The following EPRS1 variants were observed in gnomAD, a reference collection of about 807,000 sequenced individuals.
EPRS1 encodes glutamyl-prolyl-tRNA synthetase 1, also known as bifunctional glutamate/proline--tRNA ligase.
EPRS1 carries 107 observed loss-of-function variants against 188.3 expected under a neutral mutation model. The ratio of observed to expected loss-of-function variants is 0.57; its 90% CI spans 0.49 to 0.67. EPRS1 has a LOEUF of 0.67. EPRS1 is among the 30% of genes least tolerant of loss of function. The probability of loss-of-function intolerance (pLI) is 0.00; values close to 1 mark genes in which losing one functional copy is unlikely to be tolerated. For synonymous variants in EPRS1, 596 were observed against 593.1 expected, an observed-to-expected ratio of 1.00 and a Z score of -0.07; for missense variants, 1,577 against 1,802.2, an observed-to-expected ratio of 0.88 and a Z score of 2.26.
intron 18 of EPRS1, among the ~76,000 whole-genome samples, chr1:219,989,533 T>G (rs1377942917): frequency 6.8e-6 from 1 of 146,988 alleles, no homozygotes; most frequent in African/African-American, 2.7e-5. Flanking sequence ...TCAATCAAAA[T>G]AGATAGGAAA....
At chr1:219,977,075 G>A (rs545246802) in intron 28 of EPRS1, among the ~76,000 whole-genome samples, 22 of 152,202 alleles carry the variant, frequency 1.4e-4, no homozygotes, top group Middle Eastern at 6.8e-3. Flanking sequence ...TTCAAAATGC[G>A]CGTACACATC....
chr1:220,001,540 T>C (rs1288643420), intron 16 of EPRS1, among the ~76,000 whole-genome samples: 1 of 152,102 alleles, frequency 6.6e-6, no homozygotes, highest in Non-Finnish European at 1.5e-5. Flanking sequence ...TTTGTATTTT[T>C]AGTAGAGCCT....
chr1:219,978,938 A>ACGTG (rs1338284053), intron 27 of EPRS1, among the ~76,000 whole-genome samples: 2 of 147,362 alleles, frequency 1.4e-5, no homozygotes, highest in African/African-American at 5.0e-5. Flanking sequence ...TATTTTTCAT[A>ACGTG]TGTGTGTGTA....
At chr1:220,025,102 G>A (rs1478453448) in intron 7 of EPRS1, 30 bp downstream of exon 7, 14 of 1,602,134 alleles carry the variant, frequency 8.7e-6, no homozygotes, top group Non-Finnish European at 1.2e-5. Context: ...CACTTTTCTG[G>A]CAAAGGGTCA....
At chr1:219,998,148 T>C (rs527765591) in intron 17 of EPRS1, among the ~76,000 whole-genome samples, 1 of 152,320 alleles carries the variant, frequency 6.6e-6, no homozygotes, top group South Asian at 2.1e-4. Flanking sequence ...TTTTAAATGA[T>C]CTGCCACTTA....
intron 10 of EPRS1, 113 bp downstream of exon 10, chr1:220,019,875 G>A (rs556422454): frequency 5.0e-5 from 35 of 699,986 alleles, no homozygotes; most frequent in Non-Finnish European, 8.0e-5. Flanking sequence ...GAATTCTATA[G>A]GCCTACCCAT....
chr1:220,041,338 A>C (rs1233746763), intron 1 of EPRS1, among the ~76,000 whole-genome samples: 1 of 152,158 alleles, frequency 6.6e-6, no homozygotes, highest in Non-Finnish European at 1.5e-5. Context: ...TCAAAAAAAA[A>C]AAAATGAGAG....
chr1:219,987,505 C>T (rs376105390), intron 19 of EPRS1, 101 bp from the exon 20 acceptor site: 11 of 994,172 alleles, frequency 1.1e-5, no homozygotes, highest in Admixed American at 5.5e-5. Flanking sequence ...TTCTTTTTTC[C>T]GCCAATATCA....
At chr1:220,041,789 A>C (rs551946823) in intron 1 of EPRS1, among the ~76,000 whole-genome samples, 39 of 151,762 alleles carry the variant, frequency 2.6e-4, no homozygotes, top group Middle Eastern at 3.4e-3. Flanking sequence ...GTGGCAAGCC[A>C]AGATTGCACT....
intron 15 of EPRS1, among the ~76,000 whole-genome samples, chr1:220,005,817 G>A (rs933311127): frequency 1.7e-5 from 2 of 119,656 alleles, no homozygotes; most frequent in South Asian, 2.6e-4. Flanking sequence ...TACTTACATC[G>A]TTTTTTTTTT....
chr1:220,008,956 A>G (rs1036398219), intron 13 of EPRS1, among the ~76,000 whole-genome samples: 19 of 152,228 alleles, frequency 1.2e-4, no homozygotes, highest in Admixed American at 6.5e-5. Context: ...GATTACAGGC[A>G]TAAGCCACCA....
At chr1:219,979,769 C>A (rs1660857533) in intron 26 of EPRS1, among the ~76,000 whole-genome samples, 154 bp from the exon 27 acceptor site, 1 of 151,822 alleles carries the variant, frequency 6.6e-6, no homozygotes, top group African/African-American at 2.4e-5. Flanking sequence ...GCATAATTAC[C>A]ATAATAAGAG....
intron 1 of EPRS1, among the ~76,000 whole-genome samples, chr1:220,040,480 C>T (rs916192420): frequency 2.2e-4 from 34 of 152,210 alleles, no homozygotes; most frequent in Non-Finnish European, 1.5e-5. Context: ...GCATATCCAA[C>T]TGGTTTTGAA....
chr1:219,990,907 A>G (rs1158087632), intron 18 of EPRS1, among the ~76,000 whole-genome samples: 1 of 152,188 alleles, frequency 6.6e-6, no homozygotes, highest in Non-Finnish European at 1.5e-5. Flanking sequence ...TTAAGTTGTT[A>G]GTGGACAAAG....
chr1:219,982,722 G>A (rs758419762), intron 23 of EPRS1, 50 bp downstream of exon 23: 1 of 1,441,116 alleles, frequency 6.9e-7, no homozygotes. Flanking sequence ...TTTAGAGGCT[G>A]TCTCTAACGT....
chr1:219,977,280 A>C (rs1425449232), intron 28 of EPRS1, among the ~76,000 whole-genome samples: 1 of 152,022 alleles, frequency 6.6e-6, no homozygotes, highest in African/African-American at 2.4e-5. Flanking sequence ...TAGGTGCTTT[A>C]TTTTCTTTCC....
rs558271781 is a variant in EPRS1, at chr1:220,014,733, T to C, written c.1495-3677A>G. Reference sequence around the variant, plus strand: ...CCAACAAACTAGCCCAGCCAGATCATTGTACAGTGAAGCTCAGTTGAAAGC... The same window carrying C: ...CCAACAAACTAGCCCAGCCAGATCACTGTACAGTGAAGCTCAGTTGAAAGC... On this transcript the variant is annotated intron_variant, in intron 12 of 31. Coordinates refer to ENST00000366923, the MANE Select transcript of EPRS1 (RefSeq NM_004446.3). Among the ~76,000 whole-genome samples the C allele has an allele frequency of 2.6e-5, 4 of 152,272 alleles. No homozygotes were observed. In the South Asian group the frequency reaches 6.2e-4, roughly 24 times the overall value.
intron 27 of EPRS1, 99 bp from the exon 28 acceptor site, chr1:219,978,818 C>T (rs1406523253): frequency 1.6e-5 from 13 of 809,112 alleles, no homozygotes; most frequent in Admixed American, 1.3e-4. Context: ...ATTATTAACA[C>T]GAATCAGCTG....
Position 219,997,060 on chromosome 1 carries a change from C to T in EPRS1, c.2464G>A (p.Glu822Lys), listed in dbSNP as rs1196074266. The T allele has an allele frequency of 1.2e-6, 2 of 1,613,870 alleles. No homozygotes were observed. Among genetic ancestry groups the T allele is most frequent in the Non-Finnish European group, 1.7e-6 (2 of 1,179,904 alleles). The change falls in exon 18 of 32, where the codon GAA becomes AAA. Residue 822 changes from glutamate to lysine, a missense_variant. Glu to Lys is a moderately conservative substitution (Grantham distance 56). Around this residue, in one of 3 missense-constraint regions of EPRS1, gnomAD observed 1,278 missense variants for 1,457.4 expected, o/e 0.88. Transcript: ENST00000366923. ...ISSNSSASIL[E>K]SKSLYDEVAA... is the part of the protein sequence containing the mutation. ...ACTTCATCATACAGAGATTTACTTT[C>T]CAGAATACTTGCTGAGGAATTAGAA...
Sources: gnomAD v4.1 joint callset for allele counts (sites outside exome capture counted in the v4.1 genomes callset) on GRCh38, gnomAD v4.1.1 for gene constraint, gnomAD v4.1.1 regional missense constraint, MANE v1.5 for transcripts, NCBI Gene and HGNC (gene_info 2026-07-23, HGNC 2026-07-21) for gene names.